Variants in GTF2A1 observed in about 807,000 individuals in gnomAD.
GTF2A1 encodes the protein transcription initiation factor IIA subunit 1.
Under a neutral mutation model 54.1 loss-of-function variants are expected in GTF2A1, and 12 were observed. The ratio of observed to expected loss-of-function variants is 0.22; its 90% confidence interval spans 0.14 to 0.36. The LOEUF (loss-of-function observed/expected upper bound fraction) is 0.36, where lower values mean the gene tolerates loss of function less well. Among genes scored for constraint, GTF2A1 ranks in the 10% least tolerant of loss-of-function variants. The pLI, the probability that GTF2A1 is intolerant of heterozygous loss-of-function variation, is 1.00. For synonymous variants in GTF2A1, 145 were observed against 152.0 expected (o/e 0.95, Z 0.34); for missense variants, 335 against 442.2 (o/e 0.76, Z 2.17).
At chr14:81,198,166 C>T (rs1348866377) in intron 4 of GTF2A1, among the ~76,000 whole-genome samples, 1 of 152,118 alleles carries the variant, frequency 6.6e-6, no homozygotes, top group African/African-American at 2.4e-5. Context: ...AAAGTCACAC[C>T]AGGCAGACTG....
chr14:81,177,207 A>G lies in GTF2A1; in HGVS notation c.*3016T>C, dbSNP rs992663012. ...GTCTTGATGTAATCTTAGAACAAGA[A>G]AGTGGCTTTGCTTTTAAAAGAGGCA... is the stretch of plus-strand genomic sequence containing the variant. On this transcript the variant is annotated 3_prime_UTR_variant, in exon 9 of 9. Transcript: ENST00000553612. 3.3e-5 allele frequency: 5 copies of G among 152,182 alleles called. No individual in the cohort carries two copies. The highest frequency in any genetic ancestry group is 7.4e-5 in the Non-Finnish European group (5 of 67,978). 9.4% of individuals were successfully genotyped at this position (152,182 alleles called of 1,614,324 possible). A position where few individuals can be genotyped will look rare whatever the true frequency, so the allele number is the denominator to read the frequency against.
chr14:81,203,439 G>A (rs1893157577), intron 3 of GTF2A1, among the ~76,000 whole-genome samples: 1 of 152,146 alleles, frequency 6.6e-6, no homozygotes, highest in African/African-American at 2.4e-5. Context: ...ACTCCAGAAT[G>A]TAAGATATAT....
rs986509095 is a variant in GTF2A1 at position 81,175,977 on chromosome 14, A to G, written c.*4246T>C. The G allele has an allele frequency of 3.9e-5, 6 of 152,168 alleles. No homozygotes were observed. Among genetic ancestry groups the G allele is most frequent in the Admixed American group, 3.3e-4 (5 of 15,278 alleles). The allele number at this position is 152,168 out of a possible 1,614,324, so 9.4% of individuals were successfully genotyped here. ...TTTGTAACACAGTTTACTAATTCAA[A>G]TTGACATCTCAATCTACTTATCTTT... On this transcript the variant is annotated 3_prime_UTR_variant, in exon 9 of 9. Coordinates refer to ENST00000553612, the MANE Select transcript of GTF2A1 (RefSeq NM_015859.4).
intron 1 of GTF2A1, 132 bp downstream of exon 1, chr14:81,220,357 C>A (rs1230801667): frequency 9.5e-6 from 3 of 317,090 alleles, no homozygotes; most frequent in Non-Finnish European, 1.1e-5. Context: ...AGGCGGGAAG[C>A]GGCGGCGGCG....
intron 1 of GTF2A1, 63 bp from the exon 2 acceptor site, chr14:81,216,577 G>T: frequency 1.4e-6 from 1 of 713,162 alleles, no homozygotes. Flanking sequence ...TGTATAACAG[G>T]TTTTCACAAA....
intron 1 of GTF2A1, among the ~76,000 whole-genome samples, chr14:81,219,599 C>T (rs765893305): frequency 1.3e-5 from 2 of 152,218 alleles, no homozygotes; most frequent in Non-Finnish European, 2.9e-5. Context: ...GCGGGCTGGT[C>T]TGCGGCATTT....
chr14:81,192,977 A>C (rs1892909488), intron 6 of GTF2A1, 138 bp from the exon 7 acceptor site: 1 of 614,378 alleles, frequency 1.6e-6, no homozygotes, highest in African/African-American at 1.8e-5. Flanking sequence ...GTACAAAAGC[A>C]ATTAGTTTAA....
intron 1 of GTF2A1, among the ~76,000 whole-genome samples, chr14:81,218,754 G>A (rs999552837): frequency 6.6e-6 from 1 of 150,674 alleles, no homozygotes; most frequent in Non-Finnish European, 1.5e-5. Context: ...TTTTTATACC[G>A]GATACCCATG....
At chr14:81,216,650 A>G (rs1047141765) in intron 1 of GTF2A1, 136 bp from the exon 2 acceptor site, 3 of 529,968 alleles carry the variant, frequency 5.7e-6, no homozygotes, top group African/African-American at 3.9e-5. Context: ...GACCACCATC[A>G]TTTGCCATAA....
chr14:81,201,260 C>T (rs1241857291), intron 4 of GTF2A1, among the ~76,000 whole-genome samples: 1 of 152,144 alleles, frequency 6.6e-6, no homozygotes, highest in African/African-American at 2.4e-5. Flanking sequence ...AGCCTTCCCA[C>T]CCTCTTGCAA....
intron 2 of GTF2A1, among the ~76,000 whole-genome samples, chr14:81,211,637 T>C (rs1210204646): frequency 1.3e-5 from 2 of 151,774 alleles, no homozygotes; most frequent in African/African-American, 2.4e-5. Context: ...GCCCGTCACA[T>C]CACAAGCCCA....
intron 1 of GTF2A1, 60 bp downstream of exon 1, chr14:81,220,423 CCGCCCG>C: frequency 8.4e-7 from 1 of 1,194,566 alleles, no homozygotes; most frequent in Non-Finnish European, 1.2e-6. Context: ...GTCCCCGCCC[CCGCCCG>C]GTCCGGCCGT....
At chr14:81,188,245 AT>A (rs1314446185) in intron 7 of GTF2A1, among the ~76,000 whole-genome samples, 1 of 152,086 alleles carries the variant, frequency 6.6e-6, no homozygotes, top group Non-Finnish European at 1.5e-5. Flanking sequence ...CAAATACATG[AT>A]TTGCAAATAT....
Position 81,203,904 on chromosome 14 carries a change from C to A in GTF2A1, c.333G>T (p.Gln111His). ...QTQQVLIPAS[Q>H]QATAPQVIVP... Reference sequence around the variant, plus strand: ...GGAAAACAAGTCCAGTCTCACCTTGCTGTGATGCAGGAATAAGAACCTGCT... The same window carrying A: ...GGAAAACAAGTCCAGTCTCACCTTGATGTGATGCAGGAATAAGAACCTGCT... Residue 111 changes from glutamine to histidine, a missense_variant, in exon 3 of 9, where the codon CAG (glutamine) becomes CAT (histidine). Gln to His is a conservative substitution (Grantham distance 24). This residue lies in a region of GTF2A1 where 306 missense variants were observed against 360.4 expected (regional missense o/e 0.85). Transcript: ENST00000553612. 1 of 1,610,844 alleles carries A rather than the reference C, an allele frequency of 6.2e-7. No homozygotes were observed. Among genetic ancestry groups the A allele is most frequent in the East Asian group, 2.2e-5 (1 of 44,886 alleles).
At chr14:81,206,490 C>G (rs1230421213) in intron 2 of GTF2A1, among the ~76,000 whole-genome samples, 1 of 152,178 alleles carries the variant, frequency 6.6e-6, no homozygotes. Context: ...GAGAAAAATG[C>G]TCGACCTTAC....
intron 1 of GTF2A1, among the ~76,000 whole-genome samples, chr14:81,217,794 AAAAC>A (rs575007607): frequency 3.6e-4 from 55 of 152,318 alleles, no homozygotes; most frequent in African/African-American, 1.3e-3. Flanking sequence ...CCTGTCTCAG[AAAAC>A]AAACAAATAC....
At chr14:81,207,650 A>G (rs1015118929) in intron 2 of GTF2A1, among the ~76,000 whole-genome samples, 1 of 152,222 alleles carries the variant, frequency 6.6e-6, no homozygotes, top group African/African-American at 2.4e-5. Flanking sequence ...AAAATGTGGG[A>G]AAGTTTGGAA....
At chr14:81,186,516 A>G (rs955213806) in intron 7 of GTF2A1, among the ~76,000 whole-genome samples, 1 of 152,208 alleles carries the variant, frequency 6.6e-6, no homozygotes, top group Non-Finnish European at 1.5e-5. Flanking sequence ...AGGGGCCAAG[A>G]TAAAACCTAA....
rs1262823837 is a variant in GTF2A1 at position 81,178,552 on chromosome 14, A to G, written c.*1671T>C. The G allele has an allele frequency of 1.3e-5, 2 of 152,020 alleles. No homozygotes were observed. The highest frequency in any genetic ancestry group is 2.9e-5 in the Non-Finnish European group (2 of 67,988). 9.4% of individuals were successfully genotyped at this position (152,020 alleles called of 1,614,324 possible). ...CACCATTAACACCAAAGTTTAGAAC[A>G]TAAGTTAAAGAGATCAAGGTGGTAA... is the stretch of plus-strand genomic sequence containing the variant. On this transcript the variant is annotated 3_prime_UTR_variant, in exon 9 of 9. Coordinates refer to ENST00000553612, the MANE Select transcript of GTF2A1 (RefSeq NM_015859.4).
Sources: allele counts gnomAD v4.1 joint callset (sites outside exome capture counted in the v4.1 genomes callset), GRCh38; gene constraint gnomAD v4.1.1; regional missense constraint gnomAD v4.1.1; transcripts MANE v1.5; gene names NCBI Gene and HGNC (gene_info 2026-07-23, HGNC 2026-07-21).